Variants in SAMSN1 observed in about 807,000 individuals in gnomAD.
The protein encoded by SAMSN1 is SAM domain-containing protein SAMSN-1.
Under a neutral mutation model 42.0 loss-of-function variants are expected in SAMSN1, and 31 were observed. That is an observed-to-expected ratio of 0.74 (90% CI 0.55 to 1.00). The LOEUF (loss-of-function observed/expected upper bound fraction) is 1.00. Among genes scored for constraint, SAMSN1 ranks in the 50% least tolerant of loss-of-function variants. The pLI, the probability that SAMSN1 is intolerant of heterozygous loss-of-function variation, is 0.00. For missense variants in SAMSN1, 464 were observed against 439.4 expected, an observed-to-expected ratio of 1.06 and a Z score of -0.50; for synonymous variants, 178 against 151.9, an observed-to-expected ratio of 1.17 and a Z score of -1.26.
intron 2 of SAMSN1, among the ~76,000 whole-genome samples, chr21:14,623,796 T>C (rs575173066): frequency 2.0e-5 from 3 of 152,062 alleles, no homozygotes; most frequent in African/African-American, 7.2e-5. Flanking sequence ...TCTACAGAAC[T>C]CTCCACCCCA....
At chr21:14,647,196 AT>A (rs2123389017) in intron 1 of SAMSN1, among the ~76,000 whole-genome samples, 1 of 152,318 alleles carries the variant, frequency 6.6e-6, no homozygotes, top group African/African-American at 2.4e-5. Flanking sequence ...ATAAAAGCAC[AT>A]ATATATGGCT....
At chr21:14,598,790 G>A (rs1436414832) in intron 6 of SAMSN1, among the ~76,000 whole-genome samples, 2 of 151,982 alleles carry the variant, frequency 1.3e-5, no homozygotes, top group African/African-American at 4.8e-5. Context: ...TCGTAAGCAT[G>A]GTCATATGAT....
chr21:14,583,728 G>T (rs1600945178), upstream of SAMSN1: 1 of 717,618 alleles, frequency 1.4e-6, no homozygotes. Flanking sequence ...TTCTGTAGTC[G>T]CTTTAATGTC....
intron 6 of SAMSN1, among the ~76,000 whole-genome samples, chr21:14,500,297 C>T (rs1453180105): frequency 2.0e-5 from 3 of 152,112 alleles, no homozygotes; most frequent in African/African-American, 7.2e-5. Context: ...CAACATCAAT[C>T]TCTATTGTCA....
chr21:14,490,696 G>A (rs1361264859), intron 7 of SAMSN1, among the ~76,000 whole-genome samples: 1 of 152,150 alleles, frequency 6.6e-6, no homozygotes, highest in Admixed American at 6.5e-5. Context: ...ATTAAGAATA[G>A]GATTCCATTC....
At chr21:14,577,246 A>ATG (rs1981510726) in intron 2 of SAMSN1, among the ~76,000 whole-genome samples, 1 of 28,118 alleles carries the variant, frequency 3.6e-5, no homozygotes, top group African/African-American at 3.4e-4. Flanking sequence ...GTGTATATAT[A>ATG]TATATATATA....
intron 2 of SAMSN1, among the ~76,000 whole-genome samples, chr21:14,554,390 G>T (rs1980691123): frequency 6.6e-6 from 1 of 151,986 alleles, no homozygotes. Flanking sequence ...AAAAGTGCCT[G>T]GTACATAATA....
At chr21:14,510,715 A>G (rs990285755) in intron 4 of SAMSN1, among the ~76,000 whole-genome samples, 2 of 152,148 alleles carry the variant, frequency 1.3e-5, no homozygotes, top group African/African-American at 4.8e-5. Flanking sequence ...CTCTCACTTC[A>G]GTCTCCGTAA....
chr21:14,546,713 A>G (rs935399335), upstream of SAMSN1, among the ~76,000 whole-genome samples: 5 of 150,778 alleles, frequency 3.3e-5, no homozygotes, highest in Admixed American at 3.3e-4. Flanking sequence ...TTTTGTATAT[A>G]TTTTTTCTTT....
At chr21:14,593,912 G>T (rs886756922) in intron 7 of SAMSN1, 5 of 642,414 alleles carry the variant, frequency 7.8e-6, no homozygotes, top group East Asian at 2.8e-5. Context: ...GAAAACAGAA[G>T]TAATAAAGAA....
chr21:14,594,800 T>G (rs1982206814), intron 6 of SAMSN1: 1 of 152,192 alleles, frequency 6.6e-6, no homozygotes, highest in Non-Finnish European at 1.5e-5. Context: ...TATGTTGGAA[T>G]GTAATACACA....
At chr21:14,502,824 T>C (rs975109337) in intron 5 of SAMSN1, among the ~76,000 whole-genome samples, 3 of 152,186 alleles carry the variant, frequency 2.0e-5, no homozygotes, top group African/African-American at 7.2e-5. Flanking sequence ...TCTGATTTAA[T>C]AGCATGGAAG....
rs575393957 is a variant in SAMSN1, at chr21:14,511,034, G to A, written c.410-573C>T. On this transcript the variant is annotated intron_variant, in intron 4 of 7. Transcript: ENST00000400566. ...CTTCAGGAAACAGAGAAAAGAGATA[G>A]CATTTTGTCACCTGTCTGGGAACAA... 6.6e-4 allele frequency among the ~76,000 whole-genome samples: 101 copies of A among 152,234 alleles called. 3 individuals carry two copies. The highest frequency in any genetic ancestry group is 6.2e-3 in the Admixed American group (95 of 15,290).
chr21:14,555,426 C>T (rs192701603), intron 2 of SAMSN1, among the ~76,000 whole-genome samples: 1 of 152,276 alleles, frequency 6.6e-6, no homozygotes, highest in East Asian at 1.9e-4. Flanking sequence ...CCTTTTAAAA[C>T]ATTTGGACAT....
At chr21:14,560,251 G>T (rs1056863146) in intron 2 of SAMSN1, among the ~76,000 whole-genome samples, 4 of 152,096 alleles carry the variant, frequency 2.6e-5, no homozygotes, top group Admixed American at 2.6e-4. Flanking sequence ...AAAATGGGGG[G>T]CATATTCTAG....
At chr21:14,510,202 G>A in intron 5 of SAMSN1, 108 bp downstream of exon 5, 1 of 1,060,886 alleles carries the variant, frequency 9.4e-7, no homozygotes, top group Non-Finnish European at 1.4e-6. Flanking sequence ...TTCTACTGTT[G>A]GGAAGAACAC....
chr21:14,573,022 A>G (rs1981349189), intron 2 of SAMSN1, among the ~76,000 whole-genome samples: 1 of 152,218 alleles, frequency 6.6e-6, no homozygotes, highest in African/African-American at 2.4e-5. Flanking sequence ...AAGAATACAT[A>G]AAATTACCTG....
At chr21:14,625,031 T>C (rs1983126750) in intron 2 of SAMSN1, among the ~76,000 whole-genome samples, 1 of 152,120 alleles carries the variant, frequency 6.6e-6, no homozygotes, top group Admixed American at 6.5e-5. Context: ...AAAAACCACA[T>C]GATTACCTCA....
At chr21:14,556,061 A>G (rs1008333663) in intron 2 of SAMSN1, among the ~76,000 whole-genome samples, 1 of 152,224 alleles carries the variant, frequency 6.6e-6, no homozygotes, top group Admixed American at 6.5e-5. Flanking sequence ...GTAGAATTTC[A>G]TGGAAGAGAT....
Sources: allele counts gnomAD v4.1 joint callset (sites outside exome capture counted in the v4.1 genomes callset), GRCh38; gene constraint gnomAD v4.1.1; transcripts MANE v1.5; gene names NCBI Gene and HGNC (gene_info 2026-07-23, HGNC 2026-07-21).